Variants in FER observed in about 807,000 individuals in gnomAD.
FER encodes the protein tyrosine-protein kinase Fer.
Under a neutral mutation model 111.0 loss-of-function variants are expected in FER, and 63 were observed. That is an observed-to-expected ratio of 0.57 (90% CI 0.46 to 0.70). The LOEUF (loss-of-function observed/expected upper bound fraction) is 0.70, where lower values mean the gene tolerates loss of function less well. Among genes scored for constraint, FER ranks in the 30% least tolerant of loss-of-function variants. The pLI, the probability that FER is intolerant of heterozygous loss-of-function variation, is 0.00. For synonymous variants in FER, 327 were observed against 313.9 expected (o/e 1.04, Z -0.44); for missense variants, 914 against 954.0 (o/e 0.96, Z 0.55).
At chr5:108,764,056 T>C (rs1022062553) in intron 1 of FER, among the ~76,000 whole-genome samples, 1 of 152,112 alleles carries the variant, frequency 6.6e-6, no homozygotes, top group Non-Finnish European at 1.5e-5. Flanking sequence ...CGAGAAGGAA[T>C]ATGCTGATTT....
intron 13 of FER, among the ~76,000 whole-genome samples, chr5:108,971,638 A>C (rs137862145): frequency 3.3e-4 from 51 of 152,300 alleles, no homozygotes; most frequent in South Asian, 8.3e-4. Flanking sequence ...AGCATCCTTT[A>C]AATGTAGCCA....
intron 13 of FER, among the ~76,000 whole-genome samples, chr5:108,997,201 C>G (rs188434580): frequency 6.7e-6 from 1 of 148,656 alleles, no homozygotes; most frequent in African/African-American, 2.5e-5. Context: ...GTCAGGAGAT[C>G]GAGACCATCC....
intron 16 of FER, among the ~76,000 whole-genome samples, chr5:109,054,688 GT>G (rs143586757): frequency 0.13 from 19,474 of 152,038 alleles, 1,299 homozygotes; most frequent in South Asian, 0.2. Flanking sequence ...CCTAAAAGTT[GT>G]TTCTTAAGTT....
At chr5:109,142,995 A>G (rs1753688622) in intron 17 of FER, among the ~76,000 whole-genome samples, 1 of 152,138 alleles carries the variant, frequency 6.6e-6, no homozygotes, top group Non-Finnish European at 1.5e-5. Context: ...GTCACTGAAG[A>G]TGAGATGTGA....
chr5:108,813,971 TG>T (rs1381788744), intron 3 of FER, among the ~76,000 whole-genome samples: 2 of 152,194 alleles, frequency 1.3e-5, no homozygotes, highest in African/African-American at 4.8e-5. Flanking sequence ...GCCATTTCCA[TG>T]TTAAAAATGA....
chr5:109,008,837 G>A (rs547743938), intron 13 of FER, among the ~76,000 whole-genome samples: 82 of 152,116 alleles, frequency 5.4e-4, no homozygotes, highest in African/African-American at 1.9e-3. Context: ...AGGCATGGTG[G>A]CGCATGCCTG....
intron 13 of FER, among the ~76,000 whole-genome samples, chr5:108,966,603 G>A (rs1327519240): frequency 1.3e-5 from 2 of 151,890 alleles, no homozygotes; most frequent in African/African-American, 2.4e-5. Context: ...GCTCAGGCTG[G>A]TCTCGAACTC....
chr5:109,160,576 T>A (rs993251575), intron 17 of FER, among the ~76,000 whole-genome samples: 5 of 152,176 alleles, frequency 3.3e-5, no homozygotes, highest in African/African-American at 1.2e-4. Context: ...CTAAATAAAT[T>A]CATCCAATCC....
intron 16 of FER, among the ~76,000 whole-genome samples, chr5:109,074,559 C>G (rs548169948): frequency 6.6e-6 from 1 of 152,310 alleles, no homozygotes; most frequent in African/African-American, 2.4e-5. Context: ...ATTCCATATA[C>G]TTGGAGTTCC....
At chr5:109,074,275 A>G (rs1460625586) in intron 16 of FER, among the ~76,000 whole-genome samples, 1 of 152,204 alleles carries the variant, frequency 6.6e-6, no homozygotes, top group African/African-American at 2.4e-5. Flanking sequence ...CACACTTTTC[A>G]GTTGCTACTT....
intron 17 of FER, among the ~76,000 whole-genome samples, chr5:109,157,399 T>C (rs1755515702): frequency 6.6e-6 from 1 of 152,142 alleles, no homozygotes; most frequent in Non-Finnish European, 1.5e-5. Context: ...TCTACTCCCT[T>C]TGCTCTGTCA....
chr5:108,871,052 GA>G, intron 6 of FER, among the ~76,000 whole-genome samples: 1 of 152,146 alleles, frequency 6.6e-6, no homozygotes, highest in South Asian at 2.1e-4. Context: ...AAATTTATAC[GA>G]GAATATTTAG....
intron 16 of FER, among the ~76,000 whole-genome samples, chr5:109,089,424 TA>T (rs1777919081): frequency 6.6e-6 from 1 of 152,098 alleles, no homozygotes; most frequent in Non-Finnish European, 1.5e-5. Context: ...AGCATCTCAG[TA>T]AGAAATGTGA....
intron 5 of FER, among the ~76,000 whole-genome samples, chr5:108,845,016 A>ATATATATG (rs1761796567): frequency 3.8e-5 from 2 of 52,754 alleles, no homozygotes; most frequent in Non-Finnish European, 7.4e-5. Context: ...ATATATATAT[A>ATATATATG]TATATATATA....
intron 5 of FER, among the ~76,000 whole-genome samples, chr5:108,859,146 C>T (rs574743016): frequency 3.0e-4 from 46 of 152,274 alleles, no homozygotes; most frequent in African/African-American, 1.1e-3. Context: ...TCCACATCCT[C>T]GCCAACAGAG....
chr5:108,876,370 G>A (rs894539063), intron 8 of FER, among the ~76,000 whole-genome samples: 1 of 152,200 alleles, frequency 6.6e-6, no homozygotes, highest in Non-Finnish European at 1.5e-5. Flanking sequence ...GAGCCAAGCA[G>A]TTGTGACAGA....
intron 17 of FER, among the ~76,000 whole-genome samples, chr5:109,111,428 A>G (rs1012678053): frequency 2.0e-5 from 3 of 152,170 alleles, no homozygotes; most frequent in African/African-American, 2.4e-5. Context: ...TATGTACTCT[A>G]AAGCAAAATG....
At chr5:109,009,020 A>G (rs889123925) in intron 13 of FER, among the ~76,000 whole-genome samples, 4 of 148,188 alleles carry the variant, frequency 2.7e-5, no homozygotes, top group African/African-American at 7.5e-5. Flanking sequence ...CTTTCATTTC[A>G]CTAGTCTAGT....
At chr5:109,022,564 T>C (rs1768074937) in intron 13 of FER, among the ~76,000 whole-genome samples, 1 of 152,102 alleles carries the variant, frequency 6.6e-6, no homozygotes, top group Non-Finnish European at 1.5e-5. Context: ...ACTTGATATG[T>C]AAGTTTTACA....
Sources: allele counts gnomAD v4.1 joint callset (sites outside exome capture counted in the v4.1 genomes callset), GRCh38; gene constraint gnomAD v4.1.1; transcripts MANE v1.5; gene names NCBI Gene and HGNC (gene_info 2026-07-23, HGNC 2026-07-21).